FITM2: variants seen among roughly 807,000 people sequenced by gnomAD.
FITM2 encodes the protein acyl-coenzyme A diphosphatase FITM2.
FITM2 carries 16 observed loss-of-function variants against 23.3 expected under a neutral mutation model. That is an observed-to-expected ratio of 0.69 (90% CI 0.47 to 1.05). The LOEUF is 1.05. Among genes scored for constraint, FITM2 ranks in the 50% least tolerant of loss-of-function variants. FITM2 has a pLI of 0.00. For missense variants in FITM2, 273 were observed against 327.5 expected (o/e 0.83, Z 1.29); for synonymous variants, 132 against 142.0 (o/e 0.93, Z 0.50).
In FITM2 at chr20:44,306,983, C is replaced by A. The variant is rs753053217; in HGVS notation, c.431G>T (p.Gly144Val). Residue 144 changes from glycine to valine, a missense_variant, in exon 2 of 2, where the codon GGG becomes GTG. By Grantham distance (109) the Gly-to-Val change is moderately radical. Coordinates refer to ENST00000396825, the MANE Select transcript of FITM2 (RefSeq NM_001080472.4). ...HQSKQQCHQEGGFWHGFDISG... is the reference protein window; with the variant it reads ...HQSKQQCHQEVGFWHGFDISG... ...GATGTCAAAGCCATGCCAAAAGCCC[C>A]CTTCCTGGTGGCACTGCTGCTTGCT... 6.2e-7 allele frequency: 1 copy of A among 1,614,100 alleles called. No homozygotes were observed. Among genetic ancestry groups the A allele is most frequent in the African/African-American group, 1.3e-5 (1 of 74,930 alleles).
chr20:44,303,602 T>A lies in FITM2; in HGVS notation c.*3023A>T, dbSNP rs138875298. On this transcript the variant is annotated 3_prime_UTR_variant, in exon 2 of 2. Transcript: ENST00000396825. ...GGGTCACCCTGTGCCTATTCCCTTT[T>A]GGTGCTGAACATGACACTTTGGAGA... The A allele has an allele frequency of 6.6e-6, 1 of 151,964 alleles. No homozygotes were observed. Among genetic ancestry groups the A allele is most frequent in the East Asian group, 1.9e-4 (1 of 5,180 alleles). 9.4% of individuals were successfully genotyped at this position (151,964 alleles called of 1,614,324 possible).
At position 44,306,543 on chromosome 20, in the gene FITM2, T is replaced by C; in HGVS notation, c.*82A>G. ...CACTTTCCCTCTGAAGTAGGATCAA[T>C]AATTTAGCCAAATAACTAAGCAAAA... On this transcript the variant is annotated 3_prime_UTR_variant, in exon 2 of 2. Transcript: ENST00000396825. 1 of 1,537,752 alleles carries C rather than the reference T, an allele frequency of 6.5e-7. No homozygotes were observed. Among genetic ancestry groups the C allele is most frequent in the Non-Finnish European group, 8.7e-7 (1 of 1,144,956 alleles).
intron 1 of FITM2, among the ~76,000 whole-genome samples, chr20:44,310,315 T>TGGA (rs2062701499): frequency 6.6e-6 from 1 of 151,830 alleles, no homozygotes; most frequent in African/African-American, 2.4e-5. Flanking sequence ...AGTGGATGGG[T>TGGA]GGAGTTAAGG....
Position 44,303,361 on chromosome 20 carries a change from T to A in FITM2, c.*3264A>T, listed in dbSNP as rs1288625635. On this transcript the variant is annotated 3_prime_UTR_variant, in exon 2 of 2. Coordinates refer to ENST00000396825, the MANE Select transcript of FITM2 (RefSeq NM_001080472.4). ...CATCTCATGTTTGCTTGAGCCCAAA[T>A]CCTTTCACTTATGTCAGGCTGTTTC... is the stretch of plus-strand genomic sequence containing the variant. 6.6e-6 allele frequency: 1 copy of A among 152,144 alleles called. No individual in the cohort carries two copies. Among genetic ancestry groups the A allele is most frequent in the Admixed American group, 6.6e-5 (1 of 15,264 alleles). 9.4% of individuals were successfully genotyped at this position (152,144 alleles called of 1,614,324 possible).
At chr20:44,310,859 G>C in intron 1 of FITM2, 117 bp downstream of exon 1, 1 of 1,351,358 alleles carries the variant, frequency 7.4e-7, no homozygotes, top group South Asian at 1.5e-5. Flanking sequence ...GTCACGGCTA[G>C]GAGGAGGACC....
chr20:44,310,039 G>A (rs2062700754), intron 1 of FITM2, among the ~76,000 whole-genome samples: 1 of 152,114 alleles, frequency 6.6e-6, no homozygotes, highest in Admixed American at 6.5e-5. Flanking sequence ...ATCTTCACTG[G>A]GACTGATAAG....
chr20:44,308,561 G>A (rs1341721039), intron 1 of FITM2, among the ~76,000 whole-genome samples: 1 of 152,034 alleles, frequency 6.6e-6, no homozygotes, highest in Non-Finnish European at 1.5e-5. Context: ...TCTGAGACAG[G>A]ATCTCACTCT....
chr20:44,310,918 G>C (rs1294860340), intron 1 of FITM2, 58 bp downstream of exon 1: 2 of 1,495,114 alleles, frequency 1.3e-6, no homozygotes, highest in Non-Finnish European at 1.8e-6. Flanking sequence ...GGCTTCTCTG[G>C]GCGAGGCGAC....
intron 1 of FITM2, 24 bp downstream of exon 1, chr20:44,310,952 A>AGCGGAGG: frequency 6.5e-7 from 1 of 1,527,798 alleles, no homozygotes; most frequent in Non-Finnish European, 8.8e-7. Flanking sequence ...GGGCGGGGAC[A>AGCGGAGG]GCGGAGGACC....
In FITM2 at chr20:44,303,443, A is replaced by C. The variant is rs1266926002; in HGVS notation, c.*3182T>G. 1 of 152,234 alleles carries C rather than the reference A, an allele frequency of 6.6e-6. No homozygotes were observed. The highest frequency in any genetic ancestry group is 1.5e-5 in the Non-Finnish European group (1 of 68,050). 9.4% of individuals were successfully genotyped at this position (152,234 alleles called of 1,614,324 possible). ...GAGGCAAGGGGGCTAAGCATGGACA[A>C]GTGGCGGAAGCCTCATCGATACAGA... On this transcript the variant is annotated 3_prime_UTR_variant, in exon 2 of 2. Coordinates refer to ENST00000396825, the MANE Select transcript of FITM2 (RefSeq NM_001080472.4).
rs781065397 is a variant in FITM2, at chr20:44,307,135, C to T, written c.279G>A (p.Arg93=). 19 of 1,614,092 alleles carry T rather than the reference C, an allele frequency of 1.2e-5. No individual in the cohort carries two copies. Among genetic ancestry groups the T allele is most frequent in the Non-Finnish European group, 1.5e-5 (18 of 1,180,052 alleles). The change falls in exon 2 of 2, where the codon CGG becomes CGA. Residue 93 remains arginine, a synonymous_variant. Transcript: ENST00000396825. ...LTGKAGLVLR[R]LSTLLVGTAI... Reference sequence around the variant, plus strand: ...CCGTGCCCACAAGCAGGGTGCTCAGCCGCCGCAGGACCAAGCCAGCCTTGC... The same window carrying T: ...CCGTGCCCACAAGCAGGGTGCTCAGTCGCCGCAGGACCAAGCCAGCCTTGC...
chr20:44,307,299 C>G (rs2062693513), intron 1 of FITM2, 59 bp from the exon 2 acceptor site: 7 of 1,581,890 alleles, frequency 4.4e-6, no homozygotes, highest in Non-Finnish European at 3.4e-6. Flanking sequence ...GACACCATGT[C>G]AGGACTCAGG....
At chr20:44,310,852 A>T in intron 1 of FITM2, 124 bp downstream of exon 1, 1 of 1,326,152 alleles carries the variant, frequency 7.5e-7, no homozygotes, top group Non-Finnish European at 1.0e-6. Flanking sequence ...TGCTGCTGTC[A>T]CGGCTAGGAG....
At chr20:44,310,475 C>T (rs2062701835) in intron 1 of FITM2, among the ~76,000 whole-genome samples, 1 of 152,140 alleles carries the variant, frequency 6.6e-6, no homozygotes. Context: ...GGGGCTCTGC[C>T]TGTCACAGGC....
At position 44,310,958 on chromosome 20, in the gene FITM2, G is replaced by A. The variant is rs200289087; in HGVS notation, c.173+18C>T. 2 of 1,535,120 alleles carry A rather than the reference G, an allele frequency of 1.3e-6. No homozygotes were observed. Among genetic ancestry groups the A allele is most frequent in the East Asian group, 2.5e-5 (1 of 40,420 alleles). Reference sequence around the variant, plus strand: ...GGCCGGCTCGGGCGGGGACAGCGGAGGACCGGGGTGCACTCACACGTTGAG... The same window carrying A: ...GGCCGGCTCGGGCGGGGACAGCGGAAGACCGGGGTGCACTCACACGTTGAG... On this transcript the variant is annotated intron_variant, in intron 1 of 1. Transcript: ENST00000396825.
At chr20:44,307,515 T>A in intron 1 of FITM2, among the ~76,000 whole-genome samples, 1 of 151,958 alleles carries the variant, frequency 6.6e-6, no homozygotes, top group Non-Finnish European at 1.5e-5. Context: ...AACCTCCGCC[T>A]CCCGGGTTCA....
chr20:44,311,150 C>T lies in FITM2; in HGVS notation c.-2G>A. ...CTCGCAGCGCTCCAGATGCTCCATGCCGGATCTCGTCAGCCACCGTCCTCC... is the reference window on the plus strand; with the variant it reads ...CTCGCAGCGCTCCAGATGCTCCATGTCGGATCTCGTCAGCCACCGTCCTCC... On this transcript the variant is annotated 5_prime_UTR_variant, in exon 1 of 2. Transcript: ENST00000396825. The T allele has an allele frequency of 6.2e-7, 1 of 1,610,294 alleles. No homozygotes were observed. Among genetic ancestry groups the T allele is most frequent in the East Asian group, 2.2e-5 (1 of 44,766 alleles).
At chr20:44,309,515 A>G (rs150801486) in intron 1 of FITM2, among the ~76,000 whole-genome samples, 111 of 152,290 alleles carry the variant, frequency 7.3e-4, no homozygotes, top group African/African-American at 2.4e-3. Context: ...GTCTTGCAAC[A>G]AGGTCTTACT....
chr20:44,306,319 A>G lies in FITM2; in HGVS notation c.*306T>C, dbSNP rs1278382341. The G allele has an allele frequency of 8.7e-6, 3 of 343,384 alleles. No individual in the cohort carries two copies. Among genetic ancestry groups the G allele is most frequent in the Non-Finnish European group, 1.7e-5 (3 of 179,844 alleles). The allele number at this position is 343,384 out of a possible 1,614,324, so 21.3% of individuals were successfully genotyped here. ...TAGCCACACCATAAAGGCTTTCCTG[A>G]TTCTGCCCTTTTGCTGAGCCTTAGG... On this transcript the variant is annotated 3_prime_UTR_variant, in exon 2 of 2. Transcript: ENST00000396825.
Sources: gnomAD v4.1 joint callset for allele counts (sites outside exome capture counted in the v4.1 genomes callset) on GRCh38, gnomAD v4.1.1 for gene constraint, MANE v1.5 for transcripts, NCBI Gene and HGNC (gene_info 2026-07-23, HGNC 2026-07-21) for gene names.